Variants in CENPF observed in about 807,000 individuals in gnomAD.
CENPF encodes AH antigen.
Under a neutral mutation model 307.3 loss-of-function variants are expected in CENPF, and 214 were observed. The ratio of observed to expected loss-of-function variants is 0.70; its 90% CI spans 0.62 to 0.78. The LOEUF (loss-of-function observed/expected upper bound fraction) is 0.78, where lower values mean the gene tolerates loss of function less well. CENPF is among the 30% of genes least tolerant of loss of function. The pLI, the probability that CENPF is intolerant of heterozygous loss-of-function variation, is 0.00. For synonymous variants in CENPF, 1,259 were observed against 1,270.6 expected (o/e 0.99, Z 0.19); for missense variants, 3,401 against 3,483.9 (o/e 0.98, Z 0.60).
In CENPF at chr1:214,648,705, C is replaced by T. The variant is rs1432055026; in HGVS notation, c.7861C>T (p.Leu2621=). ...VNKMTAKETE[L]QREMHEMAQK... ...CAAAATGACTGCAAAGGAAACTGAG[C>T]TGCAGAGGGAAATGCATGAGATGGC... The change falls in exon 14 of 20, where the codon CTG becomes TTG. Residue 2621 remains leucine, a synonymous_variant. Transcript: ENST00000366955. 1.2e-6 allele frequency: 2 copies of T among 1,613,542 alleles called. No homozygotes were observed. The highest frequency in any genetic ancestry group is 1.7e-6 in the Non-Finnish European group (2 of 1,179,830).
chr1:214,614,761 C>T (rs1657290097), intron 2 of CENPF, 71 bp from the exon 3 acceptor site: 2 of 1,035,778 alleles, frequency 1.9e-6, no homozygotes, highest in Non-Finnish European at 2.8e-6. Flanking sequence ...ATGTTAGACT[C>T]AGGTTTACCA....
At position 214,645,799 on chromosome 1, in the gene CENPF, G is replaced by A. The variant is rs140780578; in HGVS notation, c.6229G>A (p.Ala2077Thr). The A allele has an allele frequency of 1.9e-6, 3 of 1,614,190 alleles. No homozygotes were observed. ...LLVKESESLQARLSESDYEKL... is the reference protein window; with the variant it reads ...LLVKESESLQTRLSESDYEKL... ...TGTCAAGGAATCTGAAAGCCTGCAG[G>A]CCAGACTGAGTGAATCAGATTATGA... Residue 2077 changes from alanine to threonine, a missense_variant, in exon 13 of 20, where the codon GCC becomes ACC. Physicochemically the swap from Ala to Thr is moderately conservative, Grantham distance 58. Transcript: ENST00000366955.
chr1:214,644,715 G>A lies in CENPF; in HGVS notation c.5145G>A (p.Val1715=). ...AGAAAATAACTGAGACTGGTGCAGT[G>A]AAACCCACAGGAGAGTGCTCTGGGG... ...DIEKITETGA[V]KPTGECSGEQ... is the part of the protein sequence containing the mutation. The change falls in exon 13 of 20, where the codon GTG becomes GTA. Residue 1715 remains valine, a synonymous_variant. Coordinates refer to ENST00000366955, the MANE Select transcript of CENPF (RefSeq NM_016343.4). 1 of 1,613,988 alleles carries A rather than the reference G, an allele frequency of 6.2e-7. No homozygotes were observed. Among genetic ancestry groups the A allele is most frequent in the Non-Finnish European group, 8.5e-7 (1 of 1,179,960 alleles).
Position 214,646,358 on chromosome 1 carries a change from A to G in CENPF, c.6788A>G (p.Asn2263Ser), listed in dbSNP as rs1463234576. 1.2e-6 allele frequency: 2 copies of G among 1,613,986 alleles called. No individual in the cohort carries two copies. The highest frequency in any genetic ancestry group is 4.5e-5 in the East Asian group (2 of 44,866). ...AAAACTGCAGTGGAGATGCTTCAGAATCAGTTAAAGGAGCTAAATGAGGCA... is the reference window on the plus strand; with the variant it reads ...AAAACTGCAGTGGAGATGCTTCAGAGTCAGTTAAAGGAGCTAAATGAGGCA... ...ESKTAVEMLQNQLKELNEAVA... is the reference protein window; with the variant it reads ...ESKTAVEMLQSQLKELNEAVA... The change falls in exon 13 of 20, where the codon AAT (asparagine) becomes AGT (serine). Residue 2263 changes from asparagine to serine, a missense_variant. Coordinates refer to ENST00000366955, the MANE Select transcript of CENPF (RefSeq NM_016343.4).
In CENPF at chr1:214,647,408, G is replaced by T. The variant is rs550856047; in HGVS notation, c.7830+8G>T. 23 of 1,595,592 alleles carry T rather than the reference G, an allele frequency of 1.4e-5. No individual in the cohort carries two copies. In the East Asian group the frequency reaches 4.7e-4, roughly 33 times the overall value. On this transcript the variant is annotated splice_region_variant and intron_variant, in intron 13 of 19. Transcript: ENST00000366955. ...ATGTCCTTTGTTGAAAAAGTAAGTG[G>T]CTATATCTGTTTATGTTTAAATATG...
chr1:214,645,405 T>A lies in CENPF; in HGVS notation c.5835T>A (p.Val1945=), dbSNP rs774809096. The part of the protein sequence containing the change: ...LEKDNENKQK[V]IVCLEEELSV... ...AAGACAATGAAAATAAGCAGAAGGT[T>A]ATTGTCTGCCTTGAAGAAGAACTCT... is the stretch of plus-strand genomic sequence containing the variant. The change falls in exon 13 of 20, where the codon GTT becomes GTA. Residue 1945 remains valine, a synonymous_variant. Coordinates refer to ENST00000366955, the MANE Select transcript of CENPF (RefSeq NM_016343.4). The A allele has an allele frequency of 3.1e-6, 5 of 1,613,944 alleles. No individual in the cohort carries two copies. Among genetic ancestry groups the A allele is most frequent in the Non-Finnish European group, 4.2e-6 (5 of 1,179,968 alleles).
chr1:214,603,595 C>T (rs1291994743), intron 1 of CENPF: 3 of 152,214 alleles, frequency 2.0e-5, no homozygotes, highest in Non-Finnish European at 4.4e-5. Flanking sequence ...CGGTCACGGA[C>T]TCACACTTTA....
chr1:214,649,897 A>T (rs1245083117), intron 14 of CENPF, among the ~76,000 whole-genome samples: 1 of 152,196 alleles, frequency 6.6e-6, no homozygotes, highest in Admixed American at 6.5e-5. Flanking sequence ...TTCATTCTCT[A>T]AATAATAAGT....
Position 214,640,262 on chromosome 1 carries a change from A to G in CENPF, c.1924A>G (p.Ser642Gly). ...GGAATCAGAAAAGGAAAACTTGCAGAGTAAAATTAATCACTTGGAAACTTG... is the reference window on the plus strand; with the variant it reads ...GGAATCAGAAAAGGAAAACTTGCAGGGTAAAATTAATCACTTGGAAACTTG... ...QMESEKENLQ[S>G]KINHLETCLK... Residue 642 changes from serine to glycine, a missense_variant, in exon 12 of 20, where the codon AGT becomes GGT. Transcript: ENST00000366955. 6.2e-7 allele frequency: 1 copy of G among 1,613,776 alleles called. No individual in the cohort carries two copies. The highest frequency in any genetic ancestry group is 8.5e-7 in the Non-Finnish European group (1 of 1,179,958).
intron 7 of CENPF, among the ~76,000 whole-genome samples, chr1:214,625,291 T>C (rs1163660987): frequency 6.6e-6 from 1 of 152,174 alleles, no homozygotes; most frequent in African/African-American, 2.4e-5. Flanking sequence ...CTCAGCTCAC[T>C]GCAATCTCTG....
At chr1:214,618,844 T>A (rs1657429676) in intron 4 of CENPF, 150 bp downstream of exon 4, 1 of 778,634 alleles carries the variant, frequency 1.3e-6, no homozygotes, top group African/African-American at 1.8e-5. Flanking sequence ...CATTTGCATA[T>A]CTGTTGAATT....
At chr1:214,629,800 C>T (rs545988334) in intron 8 of CENPF, among the ~76,000 whole-genome samples, 12 of 152,316 alleles carry the variant, frequency 7.9e-5, no homozygotes, top group African/African-American at 2.6e-4. Context: ...GATTCACCCA[C>T]CTTGGCCTCC....
Position 214,608,599 on chromosome 1 carries a change from C to T in CENPF, c.-41-5115C>T, listed in dbSNP as rs538467241. The T allele has an allele frequency of 5.6e-6, 9 of 1,608,862 alleles. No individual in the cohort carries two copies. In the African/African-American group the frequency reaches 8.0e-5, roughly 14 times the overall value. ...GAAGACCTCAATGGTGTCCAGCTCG[C>T]GCTGGCTGTACTGGAAGTCGGCGCG... On this transcript the variant is annotated intron_variant, in intron 1 of 19. Coordinates refer to ENST00000366955, the MANE Select transcript of CENPF (RefSeq NM_016343.4).
chr1:214,630,911 G>T (rs1307989692), intron 9 of CENPF, among the ~76,000 whole-genome samples: 2 of 152,194 alleles, frequency 1.3e-5, no homozygotes, highest in African/African-American at 4.8e-5. Flanking sequence ...TTGGTTCTTG[G>T]TTCCATGACC....
chr1:214,643,910 C>T (rs1299835068), intron 12 of CENPF, among the ~76,000 whole-genome samples: 1 of 152,140 alleles, frequency 6.6e-6, no homozygotes, highest in Admixed American at 6.5e-5. Flanking sequence ...CCTTTCTAGC[C>T]TGCTAGCTTA....
chr1:214,622,422 C>A lies in CENPF; in HGVS notation c.1068+141C>A. ...ATTAGGTACTCTTGATGCAACTGAACTAGAAAGCTGTTTTAAGTTGGGCAG... is the reference window on the plus strand; with the variant it reads ...ATTAGGTACTCTTGATGCAACTGAAATAGAAAGCTGTTTTAAGTTGGGCAG... On this transcript the variant is annotated intron_variant, in intron 7 of 19. Coordinates refer to ENST00000366955, the MANE Select transcript of CENPF (RefSeq NM_016343.4). The A allele has an allele frequency of 1.8e-5, 14 of 763,052 alleles. No individual in the cohort carries two copies. The South Asian group carries it at 2.4e-4, about 13-fold the overall frequency. 47.3% of individuals were successfully genotyped at this position (763,052 alleles called of 1,614,324 possible).
intron 1 of CENPF, chr1:214,606,077 T>C (rs1393726680): frequency 5.7e-6 from 9 of 1,590,142 alleles, no homozygotes; most frequent in Non-Finnish European, 7.6e-6. Context: ...GCTGATGCCG[T>C]ACCTGGAGGC....
At chr1:214,606,128 C>T in intron 1 of CENPF, 3 of 1,528,294 alleles carry the variant, frequency 2.0e-6, no homozygotes, top group Non-Finnish European at 2.6e-6. Flanking sequence ...GCGCGCGCAC[C>T]CTTCCCGCCA....
chr1:214,620,043 C>CAAA (rs74945063), intron 5 of CENPF, among the ~76,000 whole-genome samples: 10,287 of 151,652 alleles, frequency 0.068, 391 homozygotes, highest in South Asian at 0.14. Context: ...CTTCCTATGG[C>CAAA]AAAAAAAAGT....
Sources: gnomAD v4.1 joint callset for allele counts (sites outside exome capture counted in the v4.1 genomes callset) on GRCh38, gnomAD v4.1.1 for gene constraint, MANE v1.5 for transcripts, NCBI Gene and HGNC (gene_info 2026-07-23, HGNC 2026-07-21) for gene names.